Variants in PDE3B observed in about 807,000 individuals in gnomAD.
PDE3B encodes phosphodiesterase 3B, also known as cGMP-inhibited 3',5'-cyclic phosphodiesterase 3B.
In PDE3B, 66 loss-of-function variants were observed where a neutral mutation model predicts 116.8. That is an observed-to-expected ratio of 0.56 (90% confidence interval 0.46 to 0.69). PDE3B has a LOEUF of 0.69. PDE3B is among the 30% of genes least tolerant of loss of function. PDE3B has a pLI of 0.00. For synonymous variants in PDE3B, 595 were observed against 533.6 expected, an observed-to-expected ratio of 1.12 and a Z score of -1.59; for missense variants, 1,384 against 1,368.1, an observed-to-expected ratio of 1.01 and a Z score of -0.18.
chr11:14,648,844 T>C (rs1305452681), intron 1 of PDE3B, among the ~76,000 whole-genome samples: 1 of 152,154 alleles, frequency 6.6e-6, no homozygotes, highest in South Asian at 2.1e-4. Context: ...CTTCTTGTTA[T>C]TGACATTGTT....
chr11:14,646,853 A>G (rs1417658804), intron 1 of PDE3B, among the ~76,000 whole-genome samples: 1 of 152,058 alleles, frequency 6.6e-6, no homozygotes, highest in Non-Finnish European at 1.5e-5. Context: ...TTGTGCTTCT[A>G]AAGAGGGTGT....
At chr11:14,725,363 CTCTT>C (rs1406099477) in intron 1 of PDE3B, among the ~76,000 whole-genome samples, 4 of 145,178 alleles carry the variant, frequency 2.8e-5, no homozygotes, top group African/African-American at 1.0e-4. Context: ...TTTCTCCTCT[CTCTT>C]TCTCCTTTCT....
At position 14,757,686 on chromosome 11, in the gene PDE3B, G is replaced by A. The variant is rs1290015560; in HGVS notation, c.979-14251G>A. Among the ~76,000 whole-genome samples, 258 of 132,746 alleles carry A rather than the reference G, an allele frequency of 1.9e-3. 5 individuals carry two copies. The highest frequency in any genetic ancestry group is 7.5e-3 in the African/African-American group (248 of 33,050). 87.1% of individuals were successfully genotyped at this position (132,746 alleles called of 152,430 possible). ...TCTTGTAAATTTGTTTGAGTTCATT[G>A]TAGATTCTGGATATTAGCCCTTTTT... On this transcript the variant is annotated intron_variant, in intron 1 of 15. Coordinates refer to ENST00000282096, the MANE Select transcript of PDE3B (RefSeq NM_000922.4).
the PDE3B span, among the ~76,000 whole-genome samples, chr11:14,892,441 T>C: frequency 6.6e-6 from 1 of 152,212 alleles, no homozygotes; most frequent in Non-Finnish European, 1.5e-5. Flanking sequence ...GGCGCGGCTC[T>C]AGGCGGAGCA....
chr11:14,710,389 A>G (rs1855669170), intron 1 of PDE3B, among the ~76,000 whole-genome samples: 1 of 152,064 alleles, frequency 6.6e-6, no homozygotes, highest in Admixed American at 6.6e-5. Flanking sequence ...ATCTTGTCCA[A>G]CCATCCCCTC....
intron 1 of PDE3B, among the ~76,000 whole-genome samples, chr11:14,667,382 C>T (rs1279282396): frequency 4.0e-5 from 6 of 150,102 alleles, no homozygotes; most frequent in South Asian, 2.1e-4. Flanking sequence ...CATGTATACA[C>T]ATGTAACTAA....
intron 4 of PDE3B, among the ~76,000 whole-genome samples, chr11:14,792,700 T>C (rs767526691): frequency 2.2e-4 from 33 of 152,170 alleles, no homozygotes; most frequent in Non-Finnish European, 4.3e-4. Context: ...CACCTTCCTC[T>C]AGTCTTCTGA....
At chr11:14,660,887 G>GT (rs1428134392) in intron 1 of PDE3B, among the ~76,000 whole-genome samples, 1 of 152,112 alleles carries the variant, frequency 6.6e-6, no homozygotes, top group Non-Finnish European at 1.5e-5. Context: ...CTCAAAAGAA[G>GT]ACATTTATGC....
chr11:14,731,345 G>C (rs574417447), intron 1 of PDE3B, among the ~76,000 whole-genome samples: 90 of 147,198 alleles, frequency 6.1e-4, no homozygotes, highest in South Asian at 1.5e-3. Flanking sequence ...TGCAAGTTCC[G>C]CGTCCCGAGT....
intron 7 of PDE3B, among the ~76,000 whole-genome samples, chr11:14,823,195 A>T (rs1859577320): frequency 1.3e-5 from 2 of 152,192 alleles, no homozygotes; most frequent in Admixed American, 6.5e-5. Context: ...AGGAAGTCCA[A>T]GGTGACTAGG....
chr11:14,770,454 G>A (rs1047660993), intron 1 of PDE3B, among the ~76,000 whole-genome samples: 1 of 151,452 alleles, frequency 6.6e-6, no homozygotes, highest in African/African-American at 2.4e-5. Flanking sequence ...ATGTATAAAA[G>A]AAACTTAGGG....
chr11:14,867,516 A>C lies in PDE3B; in HGVS notation c.2897A>C (p.Glu966Ala). The C allele has an allele frequency of 1.9e-6, 3 of 1,613,362 alleles. No homozygotes were observed. Among genetic ancestry groups the C allele is most frequent in the Non-Finnish European group, 2.5e-6 (3 of 1,179,552 alleles). The part of the protein sequence containing the change: ...VNEFYEQGDE[E>A]ANLGLPISPF... Reference sequence around the variant, plus strand: ...TTTTAAAATATGCAGGGAGATGAAGAAGCAAATCTTGGTCTGCCCATCAGT... The same window carrying C: ...TTTTAAAATATGCAGGGAGATGAAGCAGCAAATCTTGGTCTGCCCATCAGT... Residue 966 changes from glutamate to alanine, a missense_variant, in exon 15 of 16, where the codon GAA becomes GCA. By Grantham distance (107) the Glu-to-Ala change is moderately radical. This residue lies in a region of PDE3B where 428 missense variants were observed against 561.4 expected (regional missense o/e 0.76). Coordinates refer to ENST00000282096, the MANE Select transcript of PDE3B (RefSeq NM_000922.4).
At chr11:14,757,864 A>T (rs1206646708) in intron 1 of PDE3B, among the ~76,000 whole-genome samples, 1 of 149,702 alleles carries the variant, frequency 6.7e-6, no homozygotes, top group African/African-American at 2.5e-5. Context: ...TGTTTTGGAC[A>T]TGAAGTCCTT....
At position 14,644,822 on chromosome 11, in the gene PDE3B, C is replaced by T. The variant is rs762406309; in HGVS notation, c.747C>T (p.Ser249=). 1.9e-6 allele frequency: 3 copies of T among 1,611,998 alleles called. No homozygotes were observed. Among genetic ancestry groups the T allele is most frequent in the Non-Finnish European group, 2.5e-6 (3 of 1,178,994 alleles). Residue 249 remains serine, a synonymous_variant, in exon 1 of 16, where the codon TCC becomes TCT. Coordinates refer to ENST00000282096, the MANE Select transcript of PDE3B (RefSeq NM_000922.4). ...CCTCCGCCCTCAGGCCGCTGCTCTC[C>T]GGCCTGGTGGGGGGCGCTGGCTGCC... is the stretch of plus-strand genomic sequence containing the variant. ...SLPSALRPLL[S]GLVGGAGCLL...
chr11:14,814,457 A>G (rs1415722264), intron 5 of PDE3B, among the ~76,000 whole-genome samples: 1 of 152,194 alleles, frequency 6.6e-6, no homozygotes, highest in Non-Finnish European at 1.5e-5. Context: ...TACTATCAGA[A>G]AATGGTTAAA....
chr11:14,663,046 G>T (rs1285261061), intron 1 of PDE3B, among the ~76,000 whole-genome samples: 1 of 151,610 alleles, frequency 6.6e-6, no homozygotes, highest in East Asian at 1.9e-4. Flanking sequence ...AAATGTTAAG[G>T]GCAGCCAGAG....
chr11:14,778,379 C>G (rs1050071113), intron 2 of PDE3B, among the ~76,000 whole-genome samples: 1 of 152,202 alleles, frequency 6.6e-6, no homozygotes, highest in Admixed American at 6.5e-5. Flanking sequence ...CAAGAGGGTC[C>G]CTGACCCCCG....
intron 1 of PDE3B, among the ~76,000 whole-genome samples, chr11:14,727,254 A>G (rs2133850194): frequency 6.6e-6 from 1 of 152,306 alleles, no homozygotes; most frequent in South Asian, 2.1e-4. Flanking sequence ...AACTGTAATA[A>G]TATAATACTA....
chr11:14,648,407 GT>G (rs1171047331), intron 1 of PDE3B, among the ~76,000 whole-genome samples: 1 of 151,974 alleles, frequency 6.6e-6, no homozygotes. Flanking sequence ...TTTTTTTAAA[GT>G]GTGGTTATTT....
Sources: allele counts gnomAD v4.1 joint callset (sites outside exome capture counted in the v4.1 genomes callset), GRCh38; gene constraint gnomAD v4.1.1; regional missense constraint gnomAD v4.1.1; transcripts MANE v1.5; gene names NCBI Gene and HGNC (gene_info 2026-07-23, HGNC 2026-07-21).